DOCK8: variants seen among roughly 807,000 people sequenced by gnomAD.
The protein encoded by DOCK8 is dedicator of cytokinesis protein 8.
In DOCK8, 141 loss-of-function variants were observed where a neutral mutation model predicts 245.6. That is an observed-to-expected ratio of 0.57 (90% CI 0.50 to 0.66). The LOEUF (loss-of-function observed/expected upper bound fraction) is 0.66, where lower values mean the gene tolerates loss of function less well. Among genes scored for constraint, DOCK8 ranks in the 30% least tolerant of loss-of-function variants. The probability of loss-of-function intolerance (pLI) is 0.00; values close to 1 mark genes in which losing one functional copy is unlikely to be tolerated. For missense variants in DOCK8, 2,965 were observed against 2,603.4 expected (o/e 1.14, Z -3.02); for synonymous variants, 1,168 against 970.2 (o/e 1.20, Z -3.79).
chr9:300,321 T>C (rs2049478488), intron 4 of DOCK8, among the ~76,000 whole-genome samples: 1 of 152,208 alleles, frequency 6.6e-6, no homozygotes, highest in Non-Finnish European at 1.5e-5. Flanking sequence ...TCTTACTTTA[T>C]CTATCTGGCA....
Position 449,811 on chromosome 9 carries a change from A to G in DOCK8, c.5845A>G (p.Ile1949Val), listed in dbSNP as rs1324228204. The G allele has an allele frequency of 1.7e-5, 28 of 1,613,220 alleles. No homozygotes were observed. Among genetic ancestry groups the G allele is most frequent in the Non-Finnish European group, 2.1e-5 (25 of 1,180,008 alleles). Reference protein sequence around the residue: ...EFVLTPIEVAIEDMKKKTLQL... With the variant: ...EFVLTPIEVAVEDMKKKTLQL... ...TGTTTTGACACCGATTGAAGTTGCC[A>G]TTGAAGACATGAAGAAGAAGACCCT... Residue 1949 changes from isoleucine to valine, a missense_variant, in exon 45 of 48, where the codon ATT becomes GTT. Ile to Val is a conservative substitution (Grantham distance 29, BLOSUM62 3). Around this residue, in one of 3 missense-constraint regions of DOCK8, gnomAD observed 2,825 missense variants for 2,453.5 expected, o/e 1.15. Coordinates refer to ENST00000432829, the MANE Select transcript of DOCK8 (RefSeq NM_203447.4).
chr9:365,724 A>G (rs1182447549), intron 14 of DOCK8: 2 of 437,150 alleles, frequency 4.6e-6, no homozygotes, highest in Non-Finnish European at 9.0e-6. Context: ...GCTGGATTCA[A>G]ATCTCAGCTC....
At chr9:297,889 T>C (rs2049334107) in intron 4 of DOCK8, among the ~76,000 whole-genome samples, 1 of 152,230 alleles carries the variant, frequency 6.6e-6, no homozygotes, top group Admixed American at 6.5e-5. Flanking sequence ...ATGCTTTCCA[T>C]AGCAAAAACC....
chr9:436,092 AT>A (rs1162447467), intron 39 of DOCK8, among the ~76,000 whole-genome samples: 2 of 152,248 alleles, frequency 1.3e-5, no homozygotes, highest in Non-Finnish European at 2.9e-5. Context: ...GGCTTAGAGA[AT>A]AAGTCACTGA....
chr9:365,891 C>T (rs754507764), intron 14 of DOCK8: 3 of 323,638 alleles, frequency 9.3e-6, no homozygotes, highest in Non-Finnish European at 1.8e-5. Context: ...TGTCTTCCAT[C>T]ATCATTTACT....
chr9:401,004 TTAGCTCCACCATGACCACCTCCTTCA>T (rs2131489305), intron 26 of DOCK8, among the ~76,000 whole-genome samples: 1 of 55,666 alleles, frequency 1.8e-5, no homozygotes, highest in Non-Finnish European at 3.8e-5. Context: ...ACCACCACCA[TTAGCTCCACCATGACCACCTCCTTCA>T]CCTCCACCAT....
chr9:246,028 TG>T (rs2047498047), intron 1 of DOCK8, among the ~76,000 whole-genome samples: 1 of 152,154 alleles, frequency 6.6e-6, no homozygotes, highest in African/African-American at 2.4e-5. Flanking sequence ...TAGACCAACC[TG>T]GGCAACATGG....
Position 282,337 on chromosome 9 carries a change from C to T in DOCK8, c.157-4124C>T, listed in dbSNP as rs568481129. On this transcript the variant is annotated intron_variant, in intron 2 of 47. Coordinates refer to ENST00000432829, the MANE Select transcript of DOCK8 (RefSeq NM_203447.4). Reference sequence around the variant, plus strand: ...AGTCTCTCCTGTAGATAACAGGGGCCGTTATCAGCCAGGTTTTTCATCATT... The same window carrying T: ...AGTCTCTCCTGTAGATAACAGGGGCTGTTATCAGCCAGGTTTTTCATCATT... Among the ~76,000 whole-genome samples, 8 of 151,850 alleles carry T rather than the reference C, an allele frequency of 5.3e-5. No homozygotes were observed. In the South Asian group the frequency reaches 8.4e-4, roughly 16 times the overall value.
At chr9:323,025 G>A (rs1165403221) in intron 7 of DOCK8, among the ~76,000 whole-genome samples, 6 of 151,194 alleles carry the variant, frequency 4.0e-5, no homozygotes, top group African/African-American at 9.7e-5. Context: ...CCTGGGTGGC[G>A]GAGGTTGCAG....
At chr9:400,985 T>TCCACCA (rs2055043609) in intron 26 of DOCK8, among the ~76,000 whole-genome samples, 1 of 75,834 alleles carries the variant, frequency 1.3e-5, no homozygotes, top group Non-Finnish European at 2.9e-5. Context: ...CATCACCACC[T>TCCACCA]CCTCCACCAC....
intron 13 of DOCK8, 86 bp downstream of exon 13, chr9:339,185 A>G (rs2051456910): frequency 4.3e-6 from 5 of 1,170,366 alleles, no homozygotes; most frequent in Non-Finnish European, 6.3e-6. Flanking sequence ...CAGAATTTAT[A>G]AAATCATGTT....
intron 1 of DOCK8, chr9:215,309 C>G: frequency 1.2e-6 from 2 of 1,605,784 alleles, no homozygotes; most frequent in Non-Finnish European, 1.7e-6. Flanking sequence ...TCGCCCGCTC[C>G]GCCCTCCAGG....
intron 2 of DOCK8, among the ~76,000 whole-genome samples, chr9:275,204 A>G (rs1443786401): frequency 6.7e-6 from 1 of 148,900 alleles, no homozygotes; most frequent in Admixed American, 6.6e-5. Flanking sequence ...ATTGGCTAGT[A>G]TTGCTCTCTT....
intron 32 of DOCK8, among the ~76,000 whole-genome samples, chr9:421,460 G>C (rs1230326201): frequency 6.6e-6 from 1 of 152,022 alleles, no homozygotes; most frequent in East Asian, 2.0e-4. Context: ...AACAGTTCTG[G>C]CCCCAAGATC....
At chr9:245,507 C>A (rs2047486425) in intron 1 of DOCK8, among the ~76,000 whole-genome samples, 1 of 152,074 alleles carries the variant, frequency 6.6e-6, no homozygotes, top group Non-Finnish European at 1.5e-5. Flanking sequence ...CATGCCCGGC[C>A]AATAGTTTCT....
intron 1 of DOCK8, among the ~76,000 whole-genome samples, chr9:236,935 C>T (rs950799538): frequency 3.3e-5 from 5 of 152,234 alleles, no homozygotes; most frequent in Non-Finnish European, 7.3e-5. Flanking sequence ...ATAGCTTCTA[C>T]TCACACTTCC....
At chr9:317,750 A>T (rs2050409508) in intron 7 of DOCK8, among the ~76,000 whole-genome samples, 1 of 152,224 alleles carries the variant, frequency 6.6e-6, no homozygotes, top group Non-Finnish European at 1.5e-5. Flanking sequence ...CATCCAAATA[A>T]ACAGGCCCAT....
At chr9:282,994 T>G (rs1247772582) in intron 2 of DOCK8, among the ~76,000 whole-genome samples, 1 of 152,202 alleles carries the variant, frequency 6.6e-6, no homozygotes, top group Non-Finnish European at 1.5e-5. Flanking sequence ...AAGCTCAGAG[T>G]GGAACGTGTG....
At chr9:254,764 T>C (rs1409390582) in intron 1 of DOCK8, among the ~76,000 whole-genome samples, 1 of 152,216 alleles carries the variant, frequency 6.6e-6, no homozygotes, top group Non-Finnish European at 1.5e-5. Context: ...GGCTTAATGA[T>C]GAGACAGGTT....
Sources: allele counts gnomAD v4.1 joint callset (sites outside exome capture counted in the v4.1 genomes callset), GRCh38; gene constraint gnomAD v4.1.1; regional missense constraint gnomAD v4.1.1; transcripts MANE v1.5; gene names NCBI Gene and HGNC (gene_info 2026-07-23, HGNC 2026-07-21).